The following MEGF11 variants were observed in gnomAD, a reference collection of about 807,000 sequenced individuals.
The protein encoded by MEGF11 is multiple epidermal growth factor-like domains protein 11.
A neutral mutation model predicts 146.6 loss-of-function variants in MEGF11; 126 were observed. That is an observed-to-expected ratio of 0.86 (90% CI 0.74 to 1.00). The LOEUF (loss-of-function observed/expected upper bound fraction) is 1.00. Ranked by LOEUF, MEGF11 falls within the 50% of genes least tolerant of loss-of-function variation. The pLI is 0.00. For synonymous variants in MEGF11, 532 were observed against 583.4 expected, an observed-to-expected ratio of 0.91 and a Z score of 1.27; for missense variants, 1,509 against 1,521.2, an observed-to-expected ratio of 0.99 and a Z score of 0.13.
chr15:66,023,723 AC>A, intron 5 of MEGF11, among the ~76,000 whole-genome samples: 1 of 152,258 alleles, frequency 6.6e-6, no homozygotes, highest in East Asian at 1.9e-4. Flanking sequence ...TGGATTACAG[AC>A]CCTGCTGCCC....
chr15:66,242,550 A>AC (rs1191019818), intron 1 of MEGF11, among the ~76,000 whole-genome samples: 6 of 151,852 alleles, frequency 4.0e-5, no homozygotes, highest in Admixed American at 3.9e-4. Context: ...TCTCAGTATT[A>AC]CCCCAATATT....
In MEGF11 at chr15:65,898,102, A is replaced by G; in HGVS notation, c.3263-8T>C. ...CCACACTGACTGTGGGCTCTAAGAAATATAGTGAAAAATGAGTTCAGAGAA... is the reference window on the plus strand; with the variant it reads ...CCACACTGACTGTGGGCTCTAAGAAGTATAGTGAAAAATGAGTTCAGAGAA... On this transcript the variant is annotated splice_polypyrimidine_tract_variant and splice_region_variant and intron_variant, in intron 25 of 25. Transcript: ENST00000395614. 5 of 1,610,650 alleles carry G rather than the reference A, an allele frequency of 3.1e-6. No homozygotes were observed. The highest frequency in any genetic ancestry group is 1.1e-5 in the South Asian group (1 of 90,600).
chr15:66,230,723 C>T (rs570647913), intron 1 of MEGF11, among the ~76,000 whole-genome samples: 1 of 152,146 alleles, frequency 6.6e-6, no homozygotes, highest in Non-Finnish European at 1.5e-5. Flanking sequence ...GCAGGTGATG[C>T]GGACGTGGGA....
chr15:65,946,539 C>T (rs148492447), intron 10 of MEGF11, among the ~76,000 whole-genome samples: 295 of 152,284 alleles, frequency 1.9e-3, no homozygotes, highest in Non-Finnish European at 3.3e-3. Context: ...ACTACTGGCA[C>T]CCACCACCAT....
At position 66,240,567 on chromosome 15, in the gene MEGF11, C is replaced by T. The variant is rs115398215; in HGVS notation, c.-9+13038G>A. Among the ~76,000 whole-genome samples, 438 of 152,326 alleles carry T rather than the reference C, an allele frequency of 2.9e-3. 1 individual carries two copies. The highest frequency in any genetic ancestry group is 9.9e-3 in the African/African-American group (410 of 41,576). ...GACATTCACTGAGTCTTTGTCTTTG[C>T]TACATTCCAGACACTAAGCTAAGCC... is the stretch of plus-strand genomic sequence containing the variant. On this transcript the variant is annotated intron_variant, in intron 1 of 25. Coordinates refer to ENST00000395614, the MANE Select transcript of MEGF11 (RefSeq NM_001385028.1).
At chr15:66,073,201 G>T (rs961721793) in intron 5 of MEGF11, among the ~76,000 whole-genome samples, 1 of 152,172 alleles carries the variant, frequency 6.6e-6, no homozygotes, top group South Asian at 2.1e-4. Flanking sequence ...GTGAGGTGGC[G>T]AGGCCTCTGG....
intron 24 of MEGF11, among the ~76,000 whole-genome samples, chr15:65,900,402 A>G (rs2078466088): frequency 6.6e-6 from 1 of 152,244 alleles, no homozygotes; most frequent in South Asian, 2.1e-4. Flanking sequence ...GTATGGCTGA[A>G]GTAGCTAGAT....
chr15:66,059,601 C>G (rs148681505), intron 5 of MEGF11, among the ~76,000 whole-genome samples: 2 of 152,096 alleles, frequency 1.3e-5, no homozygotes, highest in Non-Finnish European at 2.9e-5. Context: ...AGAGACCCCC[C>G]ACAGCGCTAG....
intron 1 of MEGF11, among the ~76,000 whole-genome samples, chr15:66,203,916 T>C (rs11636685): frequency 0.28 from 42,319 of 152,068 alleles, 6,159 homozygotes; most frequent in African/African-American, 0.36. Flanking sequence ...TATGTTGACA[T>C]AGGAGTGAAT....
intron 1 of MEGF11, among the ~76,000 whole-genome samples, chr15:66,212,901 G>A (rs2091498527): frequency 6.6e-6 from 1 of 152,252 alleles, no homozygotes; most frequent in South Asian, 2.1e-4. Flanking sequence ...AGAAACAGCT[G>A]CAGGTTCCAG....
intron 1 of MEGF11, among the ~76,000 whole-genome samples, chr15:66,129,819 C>T (rs1489987477): frequency 2.0e-5 from 3 of 152,306 alleles, no homozygotes; most frequent in East Asian, 3.9e-4. Context: ...AACAAATTGT[C>T]ACCAATTCTG....
At chr15:65,999,533 T>C (rs2082295667) in intron 5 of MEGF11, among the ~76,000 whole-genome samples, 2 of 152,138 alleles carry the variant, frequency 1.3e-5, no homozygotes, top group South Asian at 4.1e-4. Context: ...CCCCTGAGCT[T>C]TGGAATCACA....
intron 1 of MEGF11, among the ~76,000 whole-genome samples, chr15:66,242,320 G>A (rs1263656655): frequency 6.6e-6 from 1 of 151,254 alleles, no homozygotes; most frequent in Non-Finnish European, 1.5e-5. Context: ...GAGGCCAAAG[G>A]ATTGCTTGAG....
At chr15:66,140,754 C>T (rs74021644) in intron 1 of MEGF11, among the ~76,000 whole-genome samples, 53 of 152,184 alleles carry the variant, frequency 3.5e-4, no homozygotes, top group African/African-American at 1.2e-3. Context: ...GGAGTGAGGC[C>T]GGTGGGAGGC....
chr15:66,243,608 C>G (rs1217229384), intron 1 of MEGF11, among the ~76,000 whole-genome samples: 1 of 152,216 alleles, frequency 6.6e-6, no homozygotes, highest in Non-Finnish European at 1.5e-5. Flanking sequence ...CTCAGACTCC[C>G]TTTCCAAATT....
chr15:66,056,969 T>C (rs1005194978), intron 5 of MEGF11, among the ~76,000 whole-genome samples: 2 of 152,246 alleles, frequency 1.3e-5, no homozygotes, highest in African/African-American at 2.4e-5. Flanking sequence ...CTGGCCAATC[T>C]GTTTCAGAAA....
chr15:66,140,068 G>GT (rs35145343), intron 1 of MEGF11, among the ~76,000 whole-genome samples: 8,255 of 152,228 alleles, frequency 0.054, 325 homozygotes, highest in East Asian at 0.23. Context: ...AGCCAGTGCG[G>GT]TTTTTTCTTC....
intron 5 of MEGF11, among the ~76,000 whole-genome samples, chr15:65,989,988 C>G (rs2081979595): frequency 6.6e-6 from 1 of 152,130 alleles, no homozygotes; most frequent in Non-Finnish European, 1.5e-5. Context: ...AGATTAGACA[C>G]TTGAGACCAG....
intron 13 of MEGF11, among the ~76,000 whole-genome samples, chr15:65,927,728 C>G (rs2079421624): frequency 6.6e-6 from 1 of 152,098 alleles, no homozygotes. Context: ...TGGTTGGCTT[C>G]CTGAAGAAGT....
Sources: allele counts gnomAD v4.1 joint callset (sites outside exome capture counted in the v4.1 genomes callset), GRCh38; gene constraint gnomAD v4.1.1; transcripts MANE v1.5; gene names NCBI Gene and HGNC (gene_info 2026-07-23, HGNC 2026-07-21).